Variants in DPP6 observed in about 807,000 individuals in gnomAD.
The protein encoded by DPP6 is dipeptidyl peptidase like 6.
DPP6 carries 69 observed loss-of-function variants against 122.6 expected under a neutral mutation model. The observed-to-expected ratio is 0.56, with a 90% CI of 0.46 to 0.69. The LOEUF (loss-of-function observed/expected upper bound fraction) is 0.69. Ranked by LOEUF, DPP6 falls within the 30% of genes least tolerant of loss-of-function variation. DPP6 has a pLI of 0.00. For synonymous variants in DPP6, 418 were observed against 433.1 expected, an observed-to-expected ratio of 0.97 and a Z score of 0.43; for missense variants, 928 against 1,116.9, an observed-to-expected ratio of 0.83 and a Z score of 2.41.
chr7:153,864,483 C>T, the DPP6 span, among the ~76,000 whole-genome samples: 12 of 151,928 alleles, frequency 7.9e-5, no homozygotes, highest in African/African-American at 2.7e-4. Context: ...GGCAAAACCC[C>T]GTCTCTACTA....
chr7:154,174,227 T>C (rs1445409225), intron 1 of DPP6, among the ~76,000 whole-genome samples: 2 of 152,242 alleles, frequency 1.3e-5, no homozygotes, highest in Non-Finnish European at 2.9e-5. Flanking sequence ...TTTCTTGCAG[T>C]TCTGTTTACC....
intron 1 of DPP6, among the ~76,000 whole-genome samples, chr7:154,177,464 G>T (rs960237390): frequency 6.6e-6 from 1 of 152,130 alleles, no homozygotes; most frequent in African/African-American, 2.4e-5. Context: ...TCAACAGAAA[G>T]GATAAAGGTA....
chr7:154,037,299 G>A lies in DPP6; in HGVS notation c.51+149565G>A, dbSNP rs569736755. The stretch of plus-strand genomic sequence containing the variant: ...AATTTACTTTCCCCATTGGTATTCC[G>A]AAGTGTTCACTGAAACACAGCTGCT... On this transcript the variant is annotated intron_variant, in intron 1 of 25. Coordinates refer to the DPP6 transcript ENST00000404039. Among the ~76,000 whole-genome samples, 22 of 152,136 alleles carry A rather than the reference G, an allele frequency of 1.4e-4. 1 individual carries two copies. The East Asian group carries it at 3.7e-3, about 25-fold the overall frequency.
chr7:154,044,518 T>C (rs551180111), intron 1 of DPP6, among the ~76,000 whole-genome samples: 2 of 152,204 alleles, frequency 1.3e-5, no homozygotes, highest in Non-Finnish European at 2.9e-5. Context: ...ATTGTGTGTA[T>C]ATTGATATTT....
At chr7:154,296,144 C>T (rs753995848) in intron 1 of DPP6, among the ~76,000 whole-genome samples, 9 of 152,014 alleles carry the variant, frequency 5.9e-5, no homozygotes, top group African/African-American at 9.7e-5. Flanking sequence ...CGGGGTTTCA[C>T]CATGTTAGCC....
At chr7:154,804,074 C>G in intron 14 of DPP6, 119 bp downstream of exon 14, 1 of 1,230,806 alleles carries the variant, frequency 8.1e-7, no homozygotes, top group Non-Finnish European at 1.1e-6. Context: ...CCTCCTCAGG[C>G]AGCATCACTG....
intron 1 of DPP6, among the ~76,000 whole-genome samples, chr7:154,110,306 T>C (rs1234158809): frequency 6.6e-6 from 1 of 152,104 alleles, no homozygotes; most frequent in Non-Finnish European, 1.5e-5. Context: ...TGATCAGTCT[T>C]GTACTAGGTA....
intron 20 of DPP6, 127 bp from the exon 21 acceptor site, chr7:154,880,761 G>T (rs1226318496): frequency 1.3e-6 from 2 of 1,497,270 alleles, no homozygotes; most frequent in Non-Finnish European, 9.2e-7. Flanking sequence ...GGAATGCTAA[G>T]GTTGCTTTTT....
chr7:154,567,654 A>G (rs1477158584), intron 5 of DPP6, among the ~76,000 whole-genome samples: 2 of 152,238 alleles, frequency 1.3e-5, no homozygotes, highest in Non-Finnish European at 2.9e-5. Context: ...CCTCTCTGGC[A>G]AATAAGATAT....
At chr7:154,413,448 C>A (rs1352980757) in intron 1 of DPP6, among the ~76,000 whole-genome samples, 1 of 151,920 alleles carries the variant, frequency 6.6e-6, no homozygotes, top group Non-Finnish European at 1.5e-5. Context: ...GTACTAAAGG[C>A]TTTATGGTAA....
At chr7:153,891,086 A>G (rs1008088847) in intron 1 of DPP6, among the ~76,000 whole-genome samples, 8 of 127,680 alleles carry the variant, frequency 6.3e-5, no homozygotes, top group African/African-American at 2.2e-4. Flanking sequence ...CAGTGGTGCT[A>G]TCTCGGCTCA....
intron 1 of DPP6, among the ~76,000 whole-genome samples, chr7:154,076,039 G>T (rs71196080): frequency 6.7e-6 from 1 of 149,704 alleles, no homozygotes; most frequent in African/African-American, 2.4e-5. Context: ...GTCCTTCAGC[G>T]TGTCACTGCT....
chr7:154,760,265 G>A lies in DPP6; in HGVS notation c.884-9152G>A, dbSNP rs1257341071. The stretch of plus-strand genomic sequence containing the variant: ...TGGGATTAGCAGGTGATTGGTGGAA[G>A]GAACGGGGAGGTTTGGAAAGTCCTT... On this transcript the variant is annotated intron_variant, in intron 8 of 25. Coordinates refer to ENST00000377770, the MANE Select transcript of DPP6 (RefSeq NM_130797.4). The surrounding 1 kb of genome is among the most constrained non-coding windows in gnomAD (Gnocchi z 4.5). Among the ~76,000 whole-genome samples, 1 of 152,212 alleles carries A rather than the reference G, an allele frequency of 6.6e-6. No individual in the cohort carries two copies. Among genetic ancestry groups the A allele is most frequent in the Non-Finnish European group, 1.5e-5 (1 of 68,046 alleles).
At chr7:154,350,182 G>A (rs1810730861) in intron 1 of DPP6, among the ~76,000 whole-genome samples, 1 of 152,232 alleles carries the variant, frequency 6.6e-6, no homozygotes, top group South Asian at 2.1e-4. Flanking sequence ...TGATGGACAT[G>A]TGGTCTGGGG....
chr7:153,784,154 G>A, the DPP6 span, among the ~76,000 whole-genome samples: 1 of 152,216 alleles, frequency 6.6e-6, no homozygotes, highest in Non-Finnish European at 1.5e-5. Context: ...TACATCTAAT[G>A]TGGCATTTAA....
chr7:154,076,426 G>T (rs1191890764), intron 1 of DPP6, among the ~76,000 whole-genome samples: 3 of 151,536 alleles, frequency 2.0e-5, no homozygotes, highest in Non-Finnish European at 4.4e-5. Context: ...CTCCAGCCTG[G>T]GTGACGAGGG....
intron 7 of DPP6, among the ~76,000 whole-genome samples, chr7:154,705,026 T>G (rs1231860138): frequency 6.6e-6 from 1 of 152,126 alleles, no homozygotes; most frequent in Non-Finnish European, 1.5e-5. Context: ...GCCATTGATG[T>G]GTATGTGTTT....
intron 6 of DPP6, among the ~76,000 whole-genome samples, chr7:154,653,503 T>A (rs1247210474): frequency 6.6e-6 from 1 of 152,100 alleles, no homozygotes; most frequent in Non-Finnish European, 1.5e-5. Context: ...GATAGATAGA[T>A]AGATAATAGA....
At chr7:154,626,427 T>C (rs933593738) in intron 5 of DPP6, among the ~76,000 whole-genome samples, 3 of 152,242 alleles carry the variant, frequency 2.0e-5, no homozygotes, top group African/African-American at 7.2e-5. Flanking sequence ...ATCATCTTGT[T>C]ATACTTAGAT....
Sources: gnomAD v4.1 joint callset for allele counts (sites outside exome capture counted in the v4.1 genomes callset) on GRCh38, gnomAD v4.1.1 for gene constraint, Gnocchi (gnomAD v3.1) non-coding constraint, MANE v1.5 for transcripts, NCBI Gene and HGNC (gene_info 2026-07-23, HGNC 2026-07-21) for gene names.